Variants in MAGI2 observed in about 807,000 individuals in gnomAD.
MAGI2 encodes membrane-associated guanylate kinase, WW and PDZ domain-containing protein 2.
In MAGI2, 35 loss-of-function variants were observed where a neutral mutation model predicts 133.3. The observed-to-expected ratio is 0.26, with a 90% CI of 0.20 to 0.35. The LOEUF (loss-of-function observed/expected upper bound fraction) is 0.35, where lower values mean the gene tolerates loss of function less well. MAGI2 is among the 10% of genes least tolerant of loss of function. The pLI, the probability that MAGI2 is intolerant of heterozygous loss-of-function variation, is 1.00. For synonymous variants in MAGI2, 729 were observed against 710.6 expected (o/e 1.03, Z -0.41); for missense variants, 1,636 against 1,863.4 (o/e 0.88, Z 2.25).
chr7:79,009,433 T>G (rs1217141432), intron 1 of MAGI2, among the ~76,000 whole-genome samples: 1 of 152,082 alleles, frequency 6.6e-6, no homozygotes, highest in Non-Finnish European at 1.5e-5. Context: ...ACAATCCCCT[T>G]TGTTTTGGAA....
chr7:79,408,592 A>C (rs765421383), intron 1 of MAGI2, among the ~76,000 whole-genome samples: 16 of 152,110 alleles, frequency 1.1e-4, no homozygotes, highest in Non-Finnish European at 1.9e-4. Context: ...TAATAAATGA[A>C]AGTGCAATAT....
At position 79,223,561 on chromosome 7, in the gene MAGI2, T is replaced by C. The variant is rs1012432532; in HGVS notation, c.302-216355A>G. ...AGAAATCTGAGGCCAGGTGCAGTGG[T>C]TCACGCCTATAATCCCAACAATTTG... On this transcript the variant is annotated intron_variant, in intron 1 of 21. Transcript: ENST00000354212. Among the ~76,000 whole-genome samples the C allele has an allele frequency of 4.1e-4, 63 of 152,054 alleles. 1 individual carries two copies. The highest frequency in any genetic ancestry group is 2.9e-4 in the Non-Finnish European group (20 of 68,026).
intron 2 of MAGI2, among the ~76,000 whole-genome samples, chr7:78,642,697 G>C (rs1810439960): frequency 6.6e-6 from 1 of 152,144 alleles, no homozygotes; most frequent in South Asian, 2.1e-4. Context: ...ATTGAGCTCT[G>C]ACCTTATGGG....
At chr7:79,258,234 A>G (rs1833836647) in intron 1 of MAGI2, among the ~76,000 whole-genome samples, 1 of 152,192 alleles carries the variant, frequency 6.6e-6, no homozygotes, top group Admixed American at 6.5e-5. Flanking sequence ...TAATTATCAC[A>G]ATGTAATAGA....
rs1451767940 is a variant in MAGI2 at position 79,324,468 on chromosome 7, TTG to T, written c.301+128550_301+128551del. ...ATATATATGGTTATAGATAGATACG[TTG>T]TGTGTGTATATATACATATATATAC... On this transcript the variant is annotated intron_variant, in intron 1 of 21. Transcript: ENST00000354212. 3.8e-5 allele frequency among the ~76,000 whole-genome samples: 2 copies of T among 52,134 alleles called. 1 individual carries two copies. The highest frequency in any genetic ancestry group is 1.0e-4 in the African/African-American group (2 of 19,794). The allele number at this position is 52,134 out of a possible 152,430, so 34.2% of individuals were successfully genotyped here. A position where few individuals can be genotyped will look rare whatever the true frequency, so the allele number is the denominator to read the frequency against.
At chr7:78,131,063 T>A (rs1821510312) in intron 18 of MAGI2, among the ~76,000 whole-genome samples, 1 of 152,226 alleles carries the variant, frequency 6.6e-6, no homozygotes, top group South Asian at 2.1e-4. Context: ...GCTGCGAGAT[T>A]AATCGACAGT....
chr7:78,570,259 C>A (rs1393596083), intron 3 of MAGI2, among the ~76,000 whole-genome samples: 2 of 152,158 alleles, frequency 1.3e-5, no homozygotes, highest in Admixed American at 1.3e-4. Context: ...AATTCTTGTC[C>A]AATTTGCTAA....
intron 6 of MAGI2, among the ~76,000 whole-genome samples, chr7:78,450,829 T>C (rs1404282774): frequency 6.6e-6 from 1 of 152,072 alleles, no homozygotes; most frequent in Admixed American, 6.6e-5. Flanking sequence ...GGGCAGTCAT[T>C]AGTCTACTCA....
At chr7:79,426,546 C>T (rs563582154) in intron 1 of MAGI2, among the ~76,000 whole-genome samples, 9 of 152,144 alleles carry the variant, frequency 5.9e-5, no homozygotes, top group East Asian at 1.9e-4. Flanking sequence ...GGAGTTAAAG[C>T]GAAGATATTG....
chr7:79,214,440 T>TATATATAA (rs1563003647), intron 1 of MAGI2, among the ~76,000 whole-genome samples: 1 of 121,336 alleles, frequency 8.2e-6, no homozygotes, highest in African/African-American at 3.1e-5. Context: ...TATATATATA[T>TATATATAA]ATAAATATGC....
chr7:78,809,024 T>C (rs1788821884), intron 2 of MAGI2, among the ~76,000 whole-genome samples: 1 of 152,224 alleles, frequency 6.6e-6, no homozygotes, highest in African/African-American at 2.4e-5. Flanking sequence ...TTCTCCATTG[T>C]GAATACCTGC....
rs71085515 is a variant in MAGI2 at position 78,208,135 on chromosome 7, C to CTTTTTTTT, written c.2048-6950_2048-6943dup. On this transcript the variant is annotated intron_variant, in intron 10 of 21. Transcript: ENST00000354212. ...CATCCACCTCGGCCTCCCAAAGTGG[C>CTTTTTTTT]TTTTTTTTTTTTTTTTTTTTAATAT... Among the ~76,000 whole-genome samples, 4 of 115,588 alleles carry CTTTTTTTT rather than the reference C, an allele frequency of 3.5e-5. 1 individual carries two copies. Among genetic ancestry groups the CTTTTTTTT allele is most frequent in the Non-Finnish European group, 6.8e-5 (4 of 58,952 alleles). The allele number at this position is 115,588 out of a possible 152,430, so 75.8% of individuals were successfully genotyped here.
intron 3 of MAGI2, among the ~76,000 whole-genome samples, chr7:78,609,596 A>G (rs1332071271): frequency 6.6e-6 from 1 of 152,202 alleles, no homozygotes; most frequent in Admixed American, 6.5e-5. Flanking sequence ...TTGGTTCTGC[A>G]GCTGCTTACC....
rs145230288 is a variant in MAGI2, at chr7:79,289,017, A to T, written c.301+164003T>A. Among the ~76,000 whole-genome samples, 20 of 152,254 alleles carry T rather than the reference A, an allele frequency of 1.3e-4. No homozygotes were observed. The East Asian group carries it at 3.5e-3, about 26-fold the overall frequency. On this transcript the variant is annotated intron_variant, in intron 1 of 21. Coordinates refer to ENST00000354212, the MANE Select transcript of MAGI2 (RefSeq NM_012301.4). ...TTGGAGCCAACTGAAACTGGAATCA[A>T]ATTTACCGACCCCTGGCAAATGGAA...
intron 3 of MAGI2, among the ~76,000 whole-genome samples, chr7:78,544,837 A>AAAAAAT (rs902810161): frequency 2.6e-5 from 4 of 152,106 alleles, no homozygotes; most frequent in African/African-American, 7.2e-5. Flanking sequence ...TCCATCTCAA[A>AAAAAAT]AAAAATAAAA....
At chr7:78,400,517 A>T (rs964132154) in intron 6 of MAGI2, among the ~76,000 whole-genome samples, 1 of 152,218 alleles carries the variant, frequency 6.6e-6, no homozygotes, top group African/African-American at 2.4e-5. Flanking sequence ...TAAAAAATGT[A>T]TAATCAGATC....
chr7:78,203,447 G>T (rs1462141080), intron 10 of MAGI2, among the ~76,000 whole-genome samples: 1 of 152,178 alleles, frequency 6.6e-6, no homozygotes, highest in Admixed American at 6.5e-5. Context: ...AAGGAGAGGG[G>T]GCGTTTAATT....
intron 1 of MAGI2, among the ~76,000 whole-genome samples, chr7:79,272,303 C>A (rs888766724): frequency 2.0e-5 from 3 of 152,030 alleles, no homozygotes; most frequent in Non-Finnish European, 4.4e-5. Flanking sequence ...TTAAACCATG[C>A]GGCAACTAAA....
At chr7:78,884,265 C>T (rs1796099492) in intron 2 of MAGI2, among the ~76,000 whole-genome samples, 1 of 152,058 alleles carries the variant, frequency 6.6e-6, no homozygotes, top group Non-Finnish European at 1.5e-5. Context: ...ATCACTTAAG[C>T]CCAGGACTTC....
Sources: gnomAD v4.1 joint callset for allele counts (sites outside exome capture counted in the v4.1 genomes callset) on GRCh38, gnomAD v4.1.1 for gene constraint, MANE v1.5 for transcripts, NCBI Gene and HGNC (gene_info 2026-07-23, HGNC 2026-07-21) for gene names.